The following QPCT variants were observed in gnomAD, a reference collection of about 807,000 sequenced individuals.
The protein encoded by QPCT is glutaminyl-peptide cyclotransferase.
In QPCT, 44 loss-of-function variants were observed where a neutral mutation model predicts 43.4. The observed-to-expected ratio is 1.01, with a 90% CI of 0.80 to 1.30. The LOEUF (loss-of-function observed/expected upper bound fraction) is 1.30. Ranked by LOEUF, QPCT falls within the 50% of genes most tolerant of loss-of-function variation. The probability of loss-of-function intolerance (pLI) is 0.00; values close to 1 mark genes in which losing one functional copy is unlikely to be tolerated. For synonymous variants in QPCT, 168 were observed against 168.4 expected (o/e 1.00, Z 0.02); for missense variants, 526 against 436.5 (o/e 1.21, Z -1.83).
At chr2:37,347,243 T>TAACAC (rs1672524566) in intron 1 of QPCT, among the ~76,000 whole-genome samples, 1 of 103,798 alleles carries the variant, frequency 9.6e-6, no homozygotes, top group African/African-American at 3.8e-5. Flanking sequence ...TATATATATA[T>TAACAC]ATAACATATA....
At position 37,347,231 on chromosome 2, in the gene QPCT, C is replaced by CATATATATATAACATATATATATAACAT. The variant is rs764663825; in HGVS notation, c.120+2391_120+2392insACATATATATATAACATATATATATATA. Among the ~76,000 whole-genome samples, 33 of 55,616 alleles carry CATATATATATAACATATATATATAACAT rather than the reference C, an allele frequency of 5.9e-4. 1 individual carries two copies. The highest frequency in any genetic ancestry group is 2.8e-3 in the African/African-American group (32 of 11,308). The allele number at this position is 55,616 out of a possible 152,430, so 36.5% of individuals were successfully genotyped here. The stretch of plus-strand genomic sequence containing the variant: ...ACATATATATAACATATATATATAA[C>CATATATATATAACATATATATATAACAT]ATATATATATATATAACATATATAT... On this transcript the variant is annotated intron_variant, in intron 1 of 6. Transcript: ENST00000338415.
At chr2:37,345,144 G>T (rs1028057386) in intron 1 of QPCT, among the ~76,000 whole-genome samples, 5 of 152,304 alleles carry the variant, frequency 3.3e-5, no homozygotes, top group African/African-American at 1.2e-4. Flanking sequence ...AATGTGTCTC[G>T]CCGGCGGCTG....
chr2:37,353,663 C>A (rs1310316647), intron 2 of QPCT, among the ~76,000 whole-genome samples: 2 of 152,162 alleles, frequency 1.3e-5, no homozygotes, highest in South Asian at 4.1e-4. Context: ...TGCCTCTTTG[C>A]CTCCCTGATG....
chr2:37,363,007 C>G (rs1672882069), intron 3 of QPCT, among the ~76,000 whole-genome samples: 1 of 152,164 alleles, frequency 6.6e-6, no homozygotes, highest in African/African-American at 2.4e-5. Flanking sequence ...AGGAGGGTGA[C>G]AGTGGGGCAC....
intron 1 of QPCT, among the ~76,000 whole-genome samples, chr2:37,347,168 T>TATATATATAAC (rs1558599338): frequency 4.9e-4 from 26 of 52,832 alleles, no homozygotes; most frequent in Admixed American, 4.9e-3. Flanking sequence ...ATATATAACA[T>TATATATATAAC]ATATATATAT....
rs1411776943 is a variant in QPCT, at chr2:37,347,153, T to TATATATATATATATATATA, written c.120+2313_120+2314insTATATATAATATATATATA. On this transcript the variant is annotated intron_variant, in intron 1 of 6. Coordinates refer to ENST00000338415, the MANE Select transcript of QPCT (RefSeq NM_012413.4). ...CTGGGTATGGGGTGTTTTATATATA[T>TATATATATATATATATATA]ATATATATATAACATATATATATAT... 3.5e-5 allele frequency among the ~76,000 whole-genome samples: 2 copies of TATATATATATATATATATA among 57,108 alleles called. 1 individual carries two copies. Among genetic ancestry groups the TATATATATATATATATATA allele is most frequent in the East Asian group, 4.0e-3 (2 of 494 alleles). 37.5% of individuals were successfully genotyped at this position (57,108 alleles called of 152,430 possible).
intron 2 of QPCT, among the ~76,000 whole-genome samples, chr2:37,358,121 AAAAG>A (rs1553385440): frequency 6.6e-6 from 1 of 150,662 alleles, no homozygotes; most frequent in African/African-American, 2.5e-5. Flanking sequence ...AAAAAAAAAA[AAAAG>A]AAACAGCCTG....
intron 1 of QPCT, 151 bp from the exon 2 acceptor site, chr2:37,352,638 G>A: frequency 2.0e-6 from 2 of 987,362 alleles, no homozygotes; most frequent in Non-Finnish European, 2.9e-6. Flanking sequence ...AGCCCTAACA[G>A]CCCAATTTTA....
At chr2:37,360,517 A>T (rs1275423197) in intron 3 of QPCT, among the ~76,000 whole-genome samples, 1 of 152,226 alleles carries the variant, frequency 6.6e-6, no homozygotes, top group African/African-American at 2.4e-5. Context: ...TTTTGTTCTG[A>T]TATCACTCAT....
chr2:37,367,545 G>A (rs1558607038), intron 4 of QPCT, 137 bp downstream of exon 4: 1 of 918,818 alleles, frequency 1.1e-6, no homozygotes, highest in African/African-American at 1.7e-5. Flanking sequence ...TTCCTTGGCA[G>A]GCATTGGGTT....
chr2:37,355,262 G>A (rs1306175443), intron 2 of QPCT, among the ~76,000 whole-genome samples: 2 of 152,164 alleles, frequency 1.3e-5, no homozygotes, highest in Non-Finnish European at 2.9e-5. Flanking sequence ...AGCTGTGGAA[G>A]ACAAAGGAAT....
chr2:37,372,490 G>C lies in QPCT; in HGVS notation c.940+18G>C. The C allele has an allele frequency of 6.4e-7, 1 of 1,570,362 alleles. No homozygotes were observed. Among genetic ancestry groups the C allele is most frequent in the Non-Finnish European group, 8.8e-7 (1 of 1,140,390 alleles). The stretch of plus-strand genomic sequence containing the variant: ...AAGAAGAGGTAATGTGTGTGTGTGT[G>C]TGTGTTTGTGTGTGTGTGCGTGCAC... On this transcript the variant is annotated intron_variant, in intron 6 of 6. Coordinates refer to ENST00000338415, the MANE Select transcript of QPCT (RefSeq NM_012413.4).
At chr2:37,348,469 G>C (rs902350466) in intron 1 of QPCT, among the ~76,000 whole-genome samples, 4 of 152,186 alleles carry the variant, frequency 2.6e-5, no homozygotes, top group African/African-American at 9.7e-5. Flanking sequence ...TGCTGATTGA[G>C]CTGACTTTGC....
intron 5 of QPCT, among the ~76,000 whole-genome samples, chr2:37,371,558 T>C (rs928063580): frequency 2.0e-5 from 3 of 152,006 alleles, no homozygotes; most frequent in Non-Finnish European, 4.4e-5. Context: ...AGAATCATAT[T>C]ACATATGATT....
chr2:37,356,088 A>G (rs1672739347), intron 2 of QPCT, among the ~76,000 whole-genome samples: 1 of 152,192 alleles, frequency 6.6e-6, no homozygotes, highest in South Asian at 2.1e-4. Flanking sequence ...GCTTCCTCCA[A>G]GCAAATCTGG....
At position 37,367,284 on chromosome 2, in the gene QPCT, G is replaced by A. The variant is rs769644231; in HGVS notation, c.599G>A (p.Gly200Asp). The A allele has an allele frequency of 1.2e-6, 2 of 1,614,000 alleles. No individual in the cohort carries two copies. Among genetic ancestry groups the A allele is most frequent in the East Asian group, 4.5e-5 (2 of 44,882 alleles). The change falls in exon 4 of 7, where the codon GGT becomes GAT. Residue 200 changes from glycine (G) to aspartate (D), a missense_variant. By Grantham distance (94) the Gly-to-Asp change is moderately conservative. Coordinates refer to ENST00000338415, the MANE Select transcript of QPCT (RefSeq NM_012413.4). ...TCACTCCAGCTGATCTTCTTTGATG[G>A]TGAAGAGGCTTTTCTTCACTGGTCT... ...DLSLQLIFFD[G>D]EEAFLHWSPQ...
chr2:37,356,658 T>C (rs546888979), intron 2 of QPCT, among the ~76,000 whole-genome samples: 2 of 152,302 alleles, frequency 1.3e-5, no homozygotes, highest in Non-Finnish European at 2.9e-5. Flanking sequence ...TTTGATCGTT[T>C]ATAAAGACGA....
At chr2:37,366,756 C>A (rs981484818) in intron 3 of QPCT, among the ~76,000 whole-genome samples, 4 of 152,184 alleles carry the variant, frequency 2.6e-5, no homozygotes, top group African/African-American at 4.8e-5. Flanking sequence ...CTCAGCCAAC[C>A]CCTGCGGAGC....
chr2:37,369,911 G>GGA (rs1008307753), intron 5 of QPCT, 127 bp downstream of exon 5: 3 of 825,964 alleles, frequency 3.6e-6, no homozygotes, highest in Non-Finnish European at 5.8e-6. Flanking sequence ...TAGCACTTTG[G>GGA]GAGGCCAAGG....
Sources: allele counts gnomAD v4.1 joint callset (sites outside exome capture counted in the v4.1 genomes callset), GRCh38; gene constraint gnomAD v4.1.1; transcripts MANE v1.5; gene names NCBI Gene and HGNC (gene_info 2026-07-23, HGNC 2026-07-21).